The following MRPS9 variants were observed in gnomAD, a reference collection of about 807,000 sequenced individuals.
The protein encoded by MRPS9 is small ribosomal subunit protein uS9m.
Under a neutral mutation model 59.9 loss-of-function variants are expected in MRPS9, and 45 were observed. That is an observed-to-expected ratio of 0.75 (90% CI 0.59 to 0.96). MRPS9 has a LOEUF of 0.96. MRPS9 is among the 40% of genes least tolerant of loss of function. The pLI is 0.00. For synonymous variants in MRPS9, 171 were observed against 166.8 expected (o/e 1.03, Z -0.19); for missense variants, 473 against 481.1 (o/e 0.98, Z 0.16).
At chr2:105,059,711 T>C (rs1382661607) in intron 2 of MRPS9, among the ~76,000 whole-genome samples, 1 of 152,146 alleles carries the variant, frequency 6.6e-6, no homozygotes, top group Non-Finnish European at 1.5e-5. Context: ...GTTGGTAAAC[T>C]TGTCCCAGTG....
chr2:105,052,252 C>T (rs73945009), intron 2 of MRPS9, among the ~76,000 whole-genome samples: 72 of 152,088 alleles, frequency 4.7e-4, no homozygotes, highest in African/African-American at 1.7e-3. Flanking sequence ...GTTAGCTGTG[C>T]GTTTTTCATG....
chr2:105,093,771 T>C (rs769029287), intron 9 of MRPS9, 133 bp downstream of exon 9: 16 of 484,000 alleles, frequency 3.3e-5, no homozygotes, highest in Non-Finnish European at 5.6e-5. Context: ...ATGTAACATA[T>C]CAAACTAGCT....
chr2:105,042,255 T>C (rs1679514589), intron 1 of MRPS9, among the ~76,000 whole-genome samples: 2 of 152,216 alleles, frequency 1.3e-5, no homozygotes, highest in Non-Finnish European at 2.9e-5. Context: ...GAGAGTCTGC[T>C]TCTAGGCTCA....
chr2:105,039,061 A>G (rs1008962467), intron 1 of MRPS9, among the ~76,000 whole-genome samples: 1 of 152,084 alleles, frequency 6.6e-6, no homozygotes, highest in East Asian at 1.9e-4. Context: ...TGAAGGACAA[A>G]TAAGAAATAA....
rs139757851 is a variant in MRPS9 at position 105,059,675 on chromosome 2, A to G, written c.315+10325A>G. ...GAAAAGGTGTTTATTTCAGATAATT[A>G]TGAAATTTCTGTTAATTCTGTCATG... On this transcript the variant is annotated intron_variant, in intron 2 of 10. Transcript: ENST00000258455. Among the ~76,000 whole-genome samples the G allele has an allele frequency of 4.6e-5, 7 of 152,058 alleles. No homozygotes were observed. In the East Asian group the frequency reaches 1.2e-3, roughly 25 times the overall value.
At position 105,071,316 on chromosome 2, in the gene MRPS9, G is replaced by C; in HGVS notation, c.319G>C (p.Ala107Pro). The change falls in exon 3 of 11, where the codon GCT becomes CCT. Residue 107 changes from alanine to proline, a missense_variant. Coordinates refer to ENST00000258455, the MANE Select transcript of MRPS9 (RefSeq NM_182640.3). ...ETFTQEDIDR[A>P]IAYLFPSGLF... is the part of the protein sequence containing the mutation. The stretch of plus-strand genomic sequence containing the variant: ...TAACCTTTGTGTATATTTTCAGAGA[G>C]CTATTGCTTACCTTTTCCCAAGTGG... The C allele has an allele frequency of 6.2e-7, 1 of 1,609,542 alleles. No homozygotes were observed. Among genetic ancestry groups the C allele is most frequent in the Non-Finnish European group, 8.5e-7 (1 of 1,178,530 alleles).
chr2:105,039,317 G>GTTT (rs11423412), intron 1 of MRPS9, among the ~76,000 whole-genome samples: 4 of 134,356 alleles, frequency 3.0e-5, no homozygotes, highest in Non-Finnish European at 3.2e-5. Context: ...GTGGACATTT[G>GTTT]TTTTTTTTTT....
chr2:105,056,297 A>G (rs901285209), intron 2 of MRPS9, among the ~76,000 whole-genome samples: 2 of 151,688 alleles, frequency 1.3e-5, no homozygotes, highest in Admixed American at 6.6e-5. Flanking sequence ...AGTCTCCCCA[A>G]CCTTATTTAG....
chr2:105,097,727 G>A (rs982730401), intron 10 of MRPS9, among the ~76,000 whole-genome samples: 8 of 152,164 alleles, frequency 5.3e-5, no homozygotes, highest in African/African-American at 1.9e-4. Flanking sequence ...TTTTTAAACA[G>A]TCTCTCTCTG....
rs1247078549 is a variant in MRPS9 at position 105,077,402 on chromosome 2, G to A, written c.410-2581G>A. Among the ~76,000 whole-genome samples the A allele has an allele frequency of 2.6e-5, 4 of 152,198 alleles. No homozygotes were observed. In the East Asian group the frequency reaches 5.8e-4, roughly 22 times the overall value. ...TAGGGTAGCTAAATAAACTCATGCT[G>A]TGGAATAATATACAGGCCGTAAAAA... On this transcript the variant is annotated intron_variant, in intron 4 of 10. Coordinates refer to ENST00000258455, the MANE Select transcript of MRPS9 (RefSeq NM_182640.3).
intron 1 of MRPS9, 88 bp downstream of exon 1, chr2:105,038,315 G>T (rs1679429043): frequency 2.6e-6 from 4 of 1,522,370 alleles, no homozygotes; most frequent in South Asian, 2.5e-5. Flanking sequence ...CGTCTCGCGT[G>T]CCTTCAGGCA....
chr2:105,067,113 G>T (rs916054311), intron 2 of MRPS9, among the ~76,000 whole-genome samples: 1 of 152,088 alleles, frequency 6.6e-6, no homozygotes, highest in African/African-American at 2.4e-5. Flanking sequence ...ACATCAGTAT[G>T]TACTTAACCC....
chr2:105,045,074 A>G (rs1043104197), intron 1 of MRPS9, among the ~76,000 whole-genome samples: 1 of 152,188 alleles, frequency 6.6e-6, no homozygotes, highest in African/African-American at 2.4e-5. Flanking sequence ...TAAAGATTTC[A>G]AAATCATACA....
intron 10 of MRPS9, chr2:105,099,387 C>G (rs888288714): frequency 7.7e-6 from 2 of 258,586 alleles, no homozygotes; most frequent in Non-Finnish European, 1.5e-5. Context: ...TTAGGTTGAG[C>G]AAGCTTAAAA....
intron 4 of MRPS9, among the ~76,000 whole-genome samples, chr2:105,073,062 G>T (rs1450201878): frequency 6.6e-6 from 1 of 152,128 alleles, no homozygotes; most frequent in East Asian, 1.9e-4. Flanking sequence ...TAAACACCTA[G>T]TAGCTTTTCG....
At chr2:105,067,735 C>T (rs1185943334) in intron 2 of MRPS9, among the ~76,000 whole-genome samples, 1 of 140,716 alleles carries the variant, frequency 7.1e-6, no homozygotes, top group African/African-American at 2.7e-5. Context: ...TGCCCCTTCT[C>T]CTGAGTGTGT....
chr2:105,090,077 A>G, intron 7 of MRPS9, 82 bp downstream of exon 7: 1 of 684,958 alleles, frequency 1.5e-6, no homozygotes, highest in Non-Finnish European at 2.3e-6. Flanking sequence ...CCTAATAGTA[A>G]TGTTCCTCAG....
chr2:105,061,795 A>G (rs1259119433), intron 2 of MRPS9, among the ~76,000 whole-genome samples: 1 of 152,128 alleles, frequency 6.6e-6, no homozygotes, highest in Non-Finnish European at 1.5e-5. Context: ...AGAGGACATT[A>G]TTCCTTCAGG....
At chr2:105,062,469 A>T (rs1679925244) in intron 2 of MRPS9, among the ~76,000 whole-genome samples, 1 of 152,212 alleles carries the variant, frequency 6.6e-6, no homozygotes, top group Non-Finnish European at 1.5e-5. Context: ...ACTTCACAGG[A>T]GATAAAGTTA....
Sources: gnomAD v4.1 joint callset for allele counts (sites outside exome capture counted in the v4.1 genomes callset) on GRCh38, gnomAD v4.1.1 for gene constraint, MANE v1.5 for transcripts, NCBI Gene and HGNC (gene_info 2026-07-23, HGNC 2026-07-21) for gene names.